Variants in TMTC1 observed in about 807,000 individuals in gnomAD.
TMTC1 encodes transmembrane O-mannosyltransferase targeting cadherins 1.
A neutral mutation model predicts 104.8 loss-of-function variants in TMTC1; 73 were observed. The ratio of observed to expected loss-of-function variants is 0.70; its 90% confidence interval spans 0.58 to 0.85. The LOEUF (loss-of-function observed/expected upper bound fraction) is 0.85. TMTC1 is among the 40% of genes least tolerant of loss of function. The probability of loss-of-function intolerance (pLI) is 0.00; values close to 1 mark genes in which losing one functional copy is unlikely to be tolerated. For missense variants in TMTC1, 1,035 were observed against 1,096.1 expected (o/e 0.94, Z 0.79); for synonymous variants, 434 against 428.7 (o/e 1.01, Z -0.15).
chr12:29,588,916 T>C (rs191235387), intron 7 of TMTC1, among the ~76,000 whole-genome samples: 36 of 152,184 alleles, frequency 2.4e-4, no homozygotes, highest in East Asian at 1.2e-3. Context: ...GGGACCCCAA[T>C]TGACTATGCC....
At chr12:29,714,007 C>T (rs548683132) in intron 5 of TMTC1, among the ~76,000 whole-genome samples, 1 of 152,252 alleles carries the variant, frequency 6.6e-6, no homozygotes, top group East Asian at 1.9e-4. Flanking sequence ...CATTCTTTCT[C>T]ACCGGAGGGC....
intron 6 of TMTC1, among the ~76,000 whole-genome samples, chr12:29,614,405 C>T (rs1036689567): frequency 6.6e-6 from 1 of 152,096 alleles, no homozygotes; most frequent in African/African-American, 2.4e-5. Flanking sequence ...TTAAAAGGCT[C>T]TTTACACAAA....
intron 10 of TMTC1, 41 bp downstream of exon 10, chr12:29,556,816 A>G (rs1945256827): frequency 6.2e-7 from 1 of 1,611,726 alleles, no homozygotes; most frequent in Admixed American, 1.7e-5. Flanking sequence ...AGTTTCTTGG[A>G]ATCGCAAGGC....
intron 8 of TMTC1, among the ~76,000 whole-genome samples, chr12:29,578,791 A>C (rs1055700138): frequency 6.6e-6 from 1 of 152,192 alleles, no homozygotes; most frequent in Admixed American, 6.5e-5. Flanking sequence ...CATGAAAAAA[A>C]TACTTGTAGT....
intron 10 of TMTC1, among the ~76,000 whole-genome samples, chr12:29,538,697 T>C (rs1944712489): frequency 6.6e-6 from 1 of 152,282 alleles, no homozygotes; most frequent in Non-Finnish European, 1.5e-5. Context: ...TCCATGAACA[T>C]TCATGTGACA....
At chr12:29,545,621 A>G (rs1459585254) in intron 10 of TMTC1, among the ~76,000 whole-genome samples, 1 of 136,834 alleles carries the variant, frequency 7.3e-6, no homozygotes, top group Non-Finnish European at 1.6e-5. Context: ...CAACAGAGCA[A>G]GACTCTGTCA....
At chr12:29,557,460 A>G (rs1945274209) in intron 9 of TMTC1, among the ~76,000 whole-genome samples, 1 of 152,154 alleles carries the variant, frequency 6.6e-6, no homozygotes, top group African/African-American at 2.4e-5. Context: ...AACAAAAACA[A>G]AAACAAAAAA....
At chr12:29,782,194 C>T (rs1199278987) in intron 1 of TMTC1, among the ~76,000 whole-genome samples, 1 of 152,256 alleles carries the variant, frequency 6.6e-6, no homozygotes, top group Non-Finnish European at 1.5e-5. Flanking sequence ...AAAACGAGAA[C>T]AACTTTCTAA....
At chr12:29,725,017 T>TTTTTTG in intron 5 of TMTC1, among the ~76,000 whole-genome samples, 1 of 97,784 alleles carries the variant, frequency 1.0e-5, no homozygotes, top group East Asian at 2.6e-4. Flanking sequence ...CCAAGTTCTT[T>TTTTTTG]TTTTTTTTTT....
intron 5 of TMTC1, among the ~76,000 whole-genome samples, chr12:29,636,555 CA>C (rs1207019469): frequency 3.3e-5 from 5 of 152,140 alleles, no homozygotes; most frequent in Non-Finnish European, 7.4e-5. Flanking sequence ...CACGGTGGCT[CA>C]TGCCTGTAAT....
In TMTC1 at chr12:29,753,801, A is replaced by G. The variant is rs548293214; in HGVS notation, c.731+1908T>C. Among the ~76,000 whole-genome samples the G allele has an allele frequency of 2.6e-5, 4 of 152,360 alleles. No homozygotes were observed. The East Asian group carries it at 5.8e-4, about 22-fold the overall frequency. On this transcript the variant is annotated intron_variant, in intron 4 of 17. Transcript: ENST00000539277. Reference sequence around the variant, plus strand: ...ATGAGTATGTGTTGAACGGGTGGACAAAAGCATGAAGAAAAGAATGAATGC... The same window carrying G: ...ATGAGTATGTGTTGAACGGGTGGACGAAAGCATGAAGAAAAGAATGAATGC...
intron 5 of TMTC1, among the ~76,000 whole-genome samples, chr12:29,637,951 A>G (rs1036472336): frequency 6.6e-6 from 1 of 152,208 alleles, no homozygotes; most frequent in Admixed American, 6.5e-5. Context: ...GGTCCACTGT[A>G]CACACTCACC....
At chr12:29,679,582 T>C (rs544457718) in intron 5 of TMTC1, among the ~76,000 whole-genome samples, 35 of 152,244 alleles carry the variant, frequency 2.3e-4, no homozygotes, top group African/African-American at 7.9e-4. Flanking sequence ...ATAGTGATGA[T>C]GCTAATATAC....
chr12:29,617,363 A>G (rs1947010862), intron 6 of TMTC1, among the ~76,000 whole-genome samples: 1 of 152,076 alleles, frequency 6.6e-6, no homozygotes, highest in Non-Finnish European at 1.5e-5. Flanking sequence ...TTGATTATTC[A>G]TTCGTTCAAC....
At chr12:29,777,815 T>C (rs1472405194) in intron 1 of TMTC1, among the ~76,000 whole-genome samples, 6 of 152,330 alleles carry the variant, frequency 3.9e-5, no homozygotes, top group African/African-American at 1.4e-4. Context: ...CTAGAGAATC[T>C]TCACTTGTGT....
At chr12:29,566,508 T>G (rs2136285878) in intron 9 of TMTC1, among the ~76,000 whole-genome samples, 1 of 152,264 alleles carries the variant, frequency 6.6e-6, no homozygotes, top group East Asian at 1.9e-4. Context: ...TCCACCCATC[T>G]CGACCTCCAC....
At chr12:29,675,200 C>T (rs569828030) in intron 5 of TMTC1, among the ~76,000 whole-genome samples, 2 of 152,270 alleles carry the variant, frequency 1.3e-5, no homozygotes, top group African/African-American at 2.4e-5. Context: ...AGTCTTAACA[C>T]CACATTTACA....
intron 9 of TMTC1, among the ~76,000 whole-genome samples, chr12:29,563,313 G>C (rs1334707981): frequency 6.6e-6 from 1 of 152,144 alleles, no homozygotes; most frequent in Non-Finnish European, 1.5e-5. Flanking sequence ...AATCCTGTGT[G>C]GTTTCTGTGT....
At chr12:29,767,810 A>C in intron 2 of TMTC1, 88 bp downstream of exon 2, 1 of 1,040,420 alleles carries the variant, frequency 9.6e-7, no homozygotes, top group Non-Finnish European at 1.3e-6. Context: ...ACATATTTAC[A>C]TGTATATATA....
Sources: gnomAD v4.1 joint callset for allele counts (sites outside exome capture counted in the v4.1 genomes callset) on GRCh38, gnomAD v4.1.1 for gene constraint, MANE v1.5 for transcripts, NCBI Gene and HGNC (gene_info 2026-07-23, HGNC 2026-07-21) for gene names.